The following IRAK2 variants were observed in gnomAD, a reference collection of about 807,000 sequenced individuals.
The protein encoded by IRAK2 is interleukin-1 receptor-associated kinase-like 2.
In IRAK2, 57 loss-of-function variants were observed where a neutral mutation model predicts 72.0. The ratio of observed to expected loss-of-function variants is 0.79; its 90% CI spans 0.64 to 0.99. The LOEUF is 0.99. Ranked by LOEUF, IRAK2 falls within the 50% of genes least tolerant of loss-of-function variation. The pLI is 0.00. For synonymous variants in IRAK2, 293 were observed against 312.7 expected (o/e 0.94, Z 0.67); for missense variants, 790 against 794.4 (o/e 0.99, Z 0.07).
chr3:10,217,097 C>T, intron 7 of IRAK2, 49 bp downstream of exon 7: 1 of 1,359,208 alleles, frequency 7.4e-7, no homozygotes, highest in African/African-American at 1.4e-5. Context: ...TGCACCCAGC[C>T]ATGGGGTCAA....
chr3:10,187,532 G>A (rs556524717), intron 2 of IRAK2, among the ~76,000 whole-genome samples: 1 of 152,292 alleles, frequency 6.6e-6, no homozygotes, highest in Non-Finnish European at 1.5e-5. Context: ...CACACCATGT[G>A]CCTCAGAAGA....
intron 10 of IRAK2, among the ~76,000 whole-genome samples, chr3:10,230,472 G>C (rs1697843727): frequency 6.6e-6 from 1 of 152,052 alleles, no homozygotes; most frequent in African/African-American, 2.4e-5. Context: ...ATAGGCATGA[G>C]CCACTGTGCC....
intron 1 of IRAK2, among the ~76,000 whole-genome samples, chr3:10,167,885 G>T (rs1696721865): frequency 6.6e-6 from 1 of 152,206 alleles, no homozygotes; most frequent in Non-Finnish European, 1.5e-5. Context: ...GCTCACCGCA[G>T]CCCCAACTTC....
At chr3:10,221,752 C>T (rs1045650592) in intron 8 of IRAK2, among the ~76,000 whole-genome samples, 8 of 152,108 alleles carry the variant, frequency 5.3e-5, no homozygotes, top group African/African-American at 1.9e-4. Flanking sequence ...GTCTCAAACT[C>T]CTGGGCTCAG....
intron 3 of IRAK2, among the ~76,000 whole-genome samples, chr3:10,205,857 G>C: frequency 6.6e-6 from 1 of 152,224 alleles, no homozygotes; most frequent in East Asian, 1.9e-4. Flanking sequence ...TTGGAGACCG[G>C]ATGAACATAA....
At chr3:10,239,077 G>A in intron 12 of IRAK2, 38 bp downstream of exon 12, 3 of 1,509,722 alleles carry the variant, frequency 2.0e-6, no homozygotes, top group African/African-American at 1.4e-5. Flanking sequence ...ATGCTCATGT[G>A]TGTGTCCCCA....
intron 4 of IRAK2, 74 bp downstream of exon 4, chr3:10,209,766 C>A (rs1575975144): frequency 1.1e-6 from 1 of 893,210 alleles, no homozygotes; most frequent in Non-Finnish European, 1.6e-6. Flanking sequence ...AATGCAATTT[C>A]TCTACCCCTT....
intron 4 of IRAK2, among the ~76,000 whole-genome samples, 164 bp downstream of exon 4, chr3:10,209,856 G>T (rs565293885): frequency 6.6e-6 from 1 of 152,226 alleles, no homozygotes; most frequent in South Asian, 2.1e-4. Flanking sequence ...AGTAGAGGAG[G>T]TCAATAATAG....
chr3:10,188,787 A>G (rs1200948832), intron 2 of IRAK2, among the ~76,000 whole-genome samples: 2 of 151,914 alleles, frequency 1.3e-5, no homozygotes, highest in Non-Finnish European at 1.5e-5. Flanking sequence ...TGGCCTCCCA[A>G]AGTGCTGGGA....
intron 3 of IRAK2, among the ~76,000 whole-genome samples, chr3:10,207,016 G>A (rs1397575594): frequency 6.6e-6 from 1 of 152,036 alleles, no homozygotes; most frequent in Non-Finnish European, 1.5e-5. Context: ...ATCATGCCAG[G>A]CTAATTTTTG....
chr3:10,193,846 G>A (rs1697221452), intron 2 of IRAK2, among the ~76,000 whole-genome samples: 1 of 152,232 alleles, frequency 6.6e-6, no homozygotes, highest in African/African-American at 2.4e-5. Context: ...CCCTGCTGCT[G>A]GGCTCCTATG....
intron 11 of IRAK2, among the ~76,000 whole-genome samples, chr3:10,235,799 C>A (rs1697946950): frequency 6.6e-6 from 1 of 152,184 alleles, no homozygotes; most frequent in Non-Finnish European, 1.5e-5. Context: ...GGCCACAGAA[C>A]TTGTTTTTGT....
chr3:10,173,428 C>A (rs1468668926), intron 1 of IRAK2, among the ~76,000 whole-genome samples: 1 of 152,124 alleles, frequency 6.6e-6, no homozygotes, highest in Non-Finnish European at 1.5e-5. Context: ...CTACGATGAC[C>A]AGCTATTACC....
chr3:10,182,506 C>G (rs1169669), intron 2 of IRAK2, among the ~76,000 whole-genome samples: 261 of 152,038 alleles, frequency 1.7e-3, no homozygotes, highest in Non-Finnish European at 3.1e-3. Context: ...TGGTCTCGAT[C>G]TCCTGACCAC....
At position 10,229,966 on chromosome 3, in the gene IRAK2, G is replaced by T. The variant is rs556877980; in HGVS notation, c.1272+3533G>T. Among the ~76,000 whole-genome samples the T allele has an allele frequency of 1.2e-3, 188 of 152,184 alleles. 2 individuals carry two copies. The highest frequency in any genetic ancestry group is 4.4e-3 in the African/African-American group (183 of 41,526). ...AAACACAAAATTAGCCCTGTGTGGT[G>T]GCGAGTGCCTGTAATCCCAGCTACT... On this transcript the variant is annotated intron_variant, in intron 10 of 12. Coordinates refer to ENST00000256458, the MANE Select transcript of IRAK2 (RefSeq NM_001570.4).
intron 12 of IRAK2, among the ~76,000 whole-genome samples, chr3:10,239,630 G>A (rs1698021616): frequency 1.3e-5 from 2 of 152,026 alleles, no homozygotes; most frequent in African/African-American, 4.8e-5. Context: ...GGGAGGCTGA[G>A]GCAAGAGAAT....
In IRAK2 at chr3:10,219,656, T is replaced by C. The variant is rs375540896; in HGVS notation, c.904-24T>C. 5.4e-5 allele frequency: 84 copies of C among 1,569,998 alleles called. 1 individual carries two copies. In the South Asian group the frequency reaches 8.4e-4, roughly 16 times the overall value. ...TAAAAAGGTACATTGTGACTATTTG[T>C]CCTCCTGCTTTTCTTTCTCTTAGGG... On this transcript the variant is annotated intron_variant, in intron 7 of 12. Coordinates refer to ENST00000256458, the MANE Select transcript of IRAK2 (RefSeq NM_001570.4).
intron 1 of IRAK2, among the ~76,000 whole-genome samples, chr3:10,165,974 CA>C (rs1370799191): frequency 2.6e-5 from 4 of 152,072 alleles, no homozygotes; most frequent in Admixed American, 2.0e-4. Context: ...GTGATCCGCC[CA>C]CCCTGGGCCT....
rs376557712 is a variant in IRAK2 at position 10,238,954 on chromosome 3, T to G, written c.1680T>G (p.Asn560Lys). Residue 560 changes from asparagine to lysine, a missense_variant, in exon 12 of 13, where the codon AAT (asparagine) becomes AAG (lysine). Physicochemically the swap from Asn to Lys is moderately conservative, Grantham distance 94. Coordinates refer to ENST00000256458, the MANE Select transcript of IRAK2 (RefSeq NM_001570.4). ...CCACCCCACTTCTCCCCACAGAGAA[T>G]GGGGAAGGAAGGCTGCGGGTCATCG... ...GAATPLLPTE[N>K]GEGRLRVIVG... The G allele has an allele frequency of 6.2e-7, 1 of 1,613,876 alleles. No individual in the cohort carries two copies. Among genetic ancestry groups the G allele is most frequent in the Admixed American group, 1.7e-5 (1 of 59,982 alleles).
Sources: allele counts gnomAD v4.1 joint callset (sites outside exome capture counted in the v4.1 genomes callset), GRCh38; gene constraint gnomAD v4.1.1; transcripts MANE v1.5; gene names NCBI Gene and HGNC (gene_info 2026-07-23, HGNC 2026-07-21).